The following RASGEF1A variants were observed in gnomAD, a reference collection of about 807,000 sequenced individuals.
RASGEF1A encodes the protein ras-GEF domain-containing family member 1A.
In RASGEF1A, 18 loss-of-function variants were observed where a neutral mutation model predicts 56.4. The ratio of observed to expected loss-of-function variants is 0.32; its 90% CI spans 0.22 to 0.47. The LOEUF is 0.47. Among genes scored for constraint, RASGEF1A ranks in the 20% least tolerant of loss-of-function variants. The pLI is 1.00. For missense variants in RASGEF1A, 422 were observed against 627.1 expected (o/e 0.67, Z 3.49); for synonymous variants, 245 against 242.6 (o/e 1.01, Z -0.09).
chr10:43,224,678 T>C (rs1840250231), intron 1 of RASGEF1A, among the ~76,000 whole-genome samples: 1 of 152,226 alleles, frequency 6.6e-6, no homozygotes, highest in Non-Finnish European at 1.5e-5. Flanking sequence ...AGCCTCCTCA[T>C]TAAAATGAAG....
chr10:43,198,579 C>T (rs1839838494), intron 9 of RASGEF1A, among the ~76,000 whole-genome samples: 1 of 152,256 alleles, frequency 6.6e-6, no homozygotes, highest in Non-Finnish European at 1.5e-5. Flanking sequence ...AGGAAGGCTG[C>T]AGGTGACCCT....
intron 1 of RASGEF1A, among the ~76,000 whole-genome samples, chr10:43,259,168 AC>A (rs2133230609): frequency 6.6e-6 from 1 of 152,304 alleles, no homozygotes; most frequent in Non-Finnish European, 1.5e-5. Flanking sequence ...ACTCACAGTG[AC>A]CCCAGGAAGA....
intron 3 of RASGEF1A, 55 bp downstream of exon 3, chr10:43,203,243 G>A: frequency 2.8e-6 from 4 of 1,435,540 alleles, no homozygotes; most frequent in Non-Finnish European, 3.7e-6. Context: ...CCCTAGCCTT[G>A]ACCTCGCCTC....
rs1417791932 is a variant in RASGEF1A at position 43,195,083 on chromosome 10, G to GAA, written c.*1160_*1161insTT. On this transcript the variant is annotated 3_prime_UTR_variant, in exon 13 of 13. Coordinates refer to ENST00000395810, the MANE Select transcript of RASGEF1A (RefSeq NM_145313.4). This position sits in a 1 kb window ranked among gnomAD's most constrained non-coding sequence, Gnocchi z 4.2. ...GGCTCCTGCGGAAACTGGGAATGCA[G>GAA]AGGGACAAGGATGCGGAGTTCCTGC... The GAA allele has an allele frequency of 6.6e-6, 1 of 151,498 alleles. No individual in the cohort carries two copies. The highest frequency in any genetic ancestry group is 1.5e-5 in the Non-Finnish European group (1 of 67,872). 9.4% of individuals were successfully genotyped at this position (151,498 alleles called of 1,614,324 possible).
intron 1 of RASGEF1A, among the ~76,000 whole-genome samples, chr10:43,214,501 C>CT (rs766623519): frequency 6.6e-6 from 1 of 152,208 alleles, no homozygotes; most frequent in Non-Finnish European, 1.5e-5. Flanking sequence ...CCAAAAGGGG[C>CT]TATGGGAGGA....
chr10:43,246,677 A>T (rs1312406311), intron 1 of RASGEF1A, among the ~76,000 whole-genome samples: 2 of 152,192 alleles, frequency 1.3e-5, no homozygotes, highest in African/African-American at 4.8e-5. Context: ...GGGAAAGAAT[A>T]CTCTCTTCAA....
intron 1 of RASGEF1A, among the ~76,000 whole-genome samples, chr10:43,221,426 C>T (rs79093178): frequency 0.047 from 7,147 of 152,302 alleles, 189 homozygotes; most frequent in South Asian, 0.089. Context: ...CTGCTGCTCC[C>T]CCCTTCTCCA....
intron 2 of RASGEF1A, chr10:43,203,819 C>T: frequency 2.6e-6 from 2 of 779,088 alleles, no homozygotes; most frequent in Non-Finnish European, 3.1e-6. Context: ...TGGAGGTCAG[C>T]GGTGGGGAGG....
intron 1 of RASGEF1A, among the ~76,000 whole-genome samples, chr10:43,235,379 G>C (rs1399054303): frequency 1.3e-5 from 2 of 152,182 alleles, no homozygotes; most frequent in African/African-American, 4.8e-5. Context: ...TCTGCCTCCT[G>C]GGGTCCATGA....
At chr10:43,263,369 G>A (rs964773348) in intron 1 of RASGEF1A, among the ~76,000 whole-genome samples, 10 of 152,208 alleles carry the variant, frequency 6.6e-5, no homozygotes, top group Non-Finnish European at 1.5e-4. Flanking sequence ...AGGATTCAGA[G>A]TGAGCAGAGA....
intron 1 of RASGEF1A, among the ~76,000 whole-genome samples, chr10:43,264,969 C>T (rs773225855): frequency 6.6e-6 from 1 of 152,222 alleles, no homozygotes; most frequent in Non-Finnish European, 1.5e-5. Context: ...CATCCTGCCC[C>T]TGGCATCATT....
intron 4 of RASGEF1A, among the ~76,000 whole-genome samples, chr10:43,201,323 G>A (rs1839895173): frequency 6.6e-6 from 1 of 152,206 alleles, no homozygotes; most frequent in South Asian, 2.1e-4. Context: ...TACTCGGGGT[G>A]AACAGGAGCT....
intron 1 of RASGEF1A, among the ~76,000 whole-genome samples, chr10:43,237,620 C>T (rs975195922): frequency 1.3e-5 from 2 of 152,164 alleles, no homozygotes; most frequent in Non-Finnish European, 2.9e-5. Flanking sequence ...TCTGCCTCCT[C>T]CCTCCAGTCC....
chr10:43,261,946 C>G (rs1836536255), intron 1 of RASGEF1A, among the ~76,000 whole-genome samples: 1 of 152,188 alleles, frequency 6.6e-6, no homozygotes, highest in South Asian at 2.1e-4. Context: ...AAGTGCAGAT[C>G]CTCATCCTGG....
intron 1 of RASGEF1A, among the ~76,000 whole-genome samples, chr10:43,258,171 C>T (rs542170928): frequency 6.6e-6 from 1 of 152,226 alleles, no homozygotes; most frequent in African/African-American, 2.4e-5. Flanking sequence ...CAGAACCCTG[C>T]GCCAGTCAAC....
intron 1 of RASGEF1A, among the ~76,000 whole-genome samples, chr10:43,247,535 T>C (rs551757058): frequency 6.6e-6 from 1 of 152,332 alleles, no homozygotes; most frequent in South Asian, 2.1e-4. Context: ...TGAGTGTGGT[T>C]TATCCATATG....
At chr10:43,229,592 G>C (rs537646005) in intron 1 of RASGEF1A, 1 of 1,455,386 alleles carries the variant, frequency 6.9e-7, no homozygotes, top group Non-Finnish European at 9.1e-7. Context: ...GACAGCGCAA[G>C]AACCCTGCCC....
chr10:43,198,834 A>G, intron 9 of RASGEF1A, 99 bp downstream of exon 9: 2 of 1,079,178 alleles, frequency 1.9e-6, no homozygotes, highest in South Asian at 2.6e-5. Context: ...CCCCAGGGAG[A>G]GGAGGGCAGC....
intron 1 of RASGEF1A, among the ~76,000 whole-genome samples, chr10:43,231,208 G>A (rs1840362657): frequency 6.6e-6 from 1 of 152,248 alleles, no homozygotes; most frequent in Non-Finnish European, 1.5e-5. Context: ...TGGTGACCTT[G>A]GCAGGCAGAC....
Sources: gnomAD v4.1 joint callset for allele counts (sites outside exome capture counted in the v4.1 genomes callset) on GRCh38, gnomAD v4.1.1 for gene constraint, Gnocchi (gnomAD v3.1) non-coding constraint, MANE v1.5 for transcripts, NCBI Gene and HGNC (gene_info 2026-07-23, HGNC 2026-07-21) for gene names.